TENM3: variants seen among roughly 807,000 people sequenced by gnomAD.
TENM3 encodes the protein teneurin transmembrane protein 3.
Under a neutral mutation model 255.1 loss-of-function variants are expected in TENM3, and 63 were observed. That is an observed-to-expected ratio of 0.25 (90% CI 0.20 to 0.30). The LOEUF (loss-of-function observed/expected upper bound fraction) is 0.30, where lower values mean the gene tolerates loss of function less well. Among genes scored for constraint, TENM3 ranks in the 10% least tolerant of loss-of-function variants. The pLI is 1.00. For missense variants in TENM3, 2,929 were observed against 3,461.1 expected, an observed-to-expected ratio of 0.85 and a Z score of 3.86; for synonymous variants, 1,306 against 1,322.3, an observed-to-expected ratio of 0.99 and a Z score of 0.27.
At chr4:182,159,151 A>G (rs933510489) in intron 1 of TENM3, among the ~76,000 whole-genome samples, 1 of 152,182 alleles carries the variant, frequency 6.6e-6, no homozygotes, top group Admixed American at 6.5e-5. Context: ...CGGGGCCCCC[A>G]CACAGCAGAC....
intron 3 of TENM3, among the ~76,000 whole-genome samples, chr4:182,398,683 A>G (rs1769020048): frequency 6.6e-6 from 1 of 152,240 alleles, no homozygotes; most frequent in South Asian, 2.1e-4. Context: ...GGAAAGGCAG[A>G]TGCCACATTT....
chr4:181,693,518 T>A, the TENM3 span, among the ~76,000 whole-genome samples: 4 of 152,192 alleles, frequency 2.6e-5, no homozygotes, highest in Non-Finnish European at 4.4e-5. Flanking sequence ...TGCAGTTATG[T>A]AGTCCCCTGA....
chr4:181,548,421 T>A, the TENM3 span, among the ~76,000 whole-genome samples: 14 of 152,278 alleles, frequency 9.2e-5, no homozygotes, highest in East Asian at 1.4e-3. Flanking sequence ...CAAATGTCCA[T>A]CAGTGATAGA....
chr4:182,079,176 G>T, the TENM3 span, among the ~76,000 whole-genome samples: 1 of 152,178 alleles, frequency 6.6e-6, no homozygotes, highest in Admixed American at 6.5e-5. Context: ...GTGGAGGGTA[G>T]CTTGATATTG....
the TENM3 span, among the ~76,000 whole-genome samples, chr4:181,879,633 A>C: frequency 6.6e-6 from 1 of 152,212 alleles, no homozygotes; most frequent in Admixed American, 6.5e-5. Flanking sequence ...CATATACAGC[A>C]ATAACAATAG....
chr4:182,799,544 G>T lies in TENM3; in HGVS notation c.7345-52G>T. On this transcript the variant is annotated intron_variant, in intron 27 of 27. Transcript: ENST00000511685. This position sits in a 1 kb window ranked among gnomAD's most constrained non-coding sequence, Gnocchi z 4.2. ...AGAGTCCCGTGTGTGGGTCAGGAGT[G>T]GGGAGGCTCCCGGCCGCCTCTGACG... 6.6e-7 allele frequency: 1 copy of T among 1,519,618 alleles called. No homozygotes were observed. Among genetic ancestry groups the T allele is most frequent in the Non-Finnish European group, 8.8e-7 (1 of 1,142,186 alleles). The allele number at this position is 1,519,618 out of a possible 1,614,324, so 94.1% of individuals were successfully genotyped here.
At chr4:182,562,854 A>G (rs945606796) in intron 3 of TENM3, among the ~76,000 whole-genome samples, 3 of 152,168 alleles carry the variant, frequency 2.0e-5, no homozygotes, top group Non-Finnish European at 4.4e-5. Flanking sequence ...GTGGGGGTCA[A>G]GGGGCCAGGT....
At chr4:181,913,118 C>A in the TENM3 span, among the ~76,000 whole-genome samples, 1 of 152,016 alleles carries the variant, frequency 6.6e-6, no homozygotes, top group Non-Finnish European at 1.5e-5. Flanking sequence ...AGAAAATAGA[C>A]CGGGATGAGC....
chr4:182,081,705 C>A, the TENM3 span: 1 of 152,076 alleles, frequency 6.6e-6, no homozygotes. Context: ...AACCATTAGC[C>A]AGAGGGGCTG....
chr4:182,069,561 T>G, the TENM3 span, among the ~76,000 whole-genome samples: 1 of 152,152 alleles, frequency 6.6e-6, no homozygotes, highest in Non-Finnish European at 1.5e-5. Flanking sequence ...TCAGATTTAG[T>G]CTTGTGTTCA....
chr4:182,314,141 A>G (rs1462500850), intron 1 of TENM3, among the ~76,000 whole-genome samples: 1 of 152,164 alleles, frequency 6.6e-6, no homozygotes, highest in Non-Finnish European at 1.5e-5. Flanking sequence ...TCTACTAAAA[A>G]TACAAAAAAA....
At chr4:182,459,878 G>A (rs544114459) in intron 3 of TENM3, among the ~76,000 whole-genome samples, 1 of 152,154 alleles carries the variant, frequency 6.6e-6, no homozygotes, top group Non-Finnish European at 1.5e-5. Context: ...AGAATGAATA[G>A]AATTAAATAT....
chr4:182,217,701 C>T (rs935994870), intron 1 of TENM3, among the ~76,000 whole-genome samples: 3 of 152,228 alleles, frequency 2.0e-5, no homozygotes, highest in Non-Finnish European at 2.9e-5. Flanking sequence ...AACTGAGACT[C>T]GAATCTAGGC....
At chr4:182,288,135 C>T (rs949327636) in intron 1 of TENM3, among the ~76,000 whole-genome samples, 1 of 151,984 alleles carries the variant, frequency 6.6e-6, no homozygotes, top group African/African-American at 2.4e-5. Context: ...GAGATTTCTC[C>T]GTGTTGGTCA....
intron 3 of TENM3, among the ~76,000 whole-genome samples, chr4:182,561,968 CCAGATAGATAGATAGA>C (rs1375131609): frequency 2.9e-4 from 41 of 140,066 alleles, no homozygotes; most frequent in East Asian, 1.7e-3. Flanking sequence ...CTGTGTATAT[CCAGATAGATAGATAGA>C]CAGATAGATA....
the TENM3 span, among the ~76,000 whole-genome samples, chr4:181,704,778 C>T: frequency 1.3e-5 from 2 of 151,966 alleles, no homozygotes; most frequent in Admixed American, 1.3e-4. Context: ...CATGTCTGTA[C>T]TCCCAGCACT....
At chr4:181,759,020 ATCT>A in the TENM3 span, among the ~76,000 whole-genome samples, 1 of 152,302 alleles carries the variant, frequency 6.6e-6, no homozygotes, top group East Asian at 1.9e-4. Flanking sequence ...TTGACATAAA[ATCT>A]TCTACCAGTA....
the TENM3 span, among the ~76,000 whole-genome samples, chr4:182,135,638 C>T: frequency 2.0e-3 from 304 of 152,352 alleles, no homozygotes; most frequent in African/African-American, 6.9e-3. Context: ...CGGTCCATGA[C>T]AGGCTTTGAG....
At chr4:181,830,861 T>C in the TENM3 span, among the ~76,000 whole-genome samples, 1 of 151,500 alleles carries the variant, frequency 6.6e-6, no homozygotes, top group Non-Finnish European at 1.5e-5. Context: ...GTTAAGCTTA[T>C]CTACGCTGAC....
Sources: gnomAD v4.1 joint callset for allele counts (sites outside exome capture counted in the v4.1 genomes callset) on GRCh38, gnomAD v4.1.1 for gene constraint, Gnocchi (gnomAD v3.1) non-coding constraint, MANE v1.5 for transcripts, NCBI Gene and HGNC (gene_info 2026-07-23, HGNC 2026-07-21) for gene names.